The following CHST11 variants were observed in gnomAD, a reference collection of about 807,000 sequenced individuals.
The protein encoded by CHST11 is C4S-1.
In CHST11, 9 loss-of-function variants were observed where a neutral mutation model predicts 30.4. The observed-to-expected ratio is 0.30, with a 90% confidence interval of 0.18 to 0.52. CHST11 has a LOEUF of 0.52. Ranked by LOEUF, CHST11 falls within the 20% of genes least tolerant of loss-of-function variation. The probability of loss-of-function intolerance (pLI) is 0.97; values close to 1 mark genes in which losing one functional copy is unlikely to be tolerated. For synonymous variants in CHST11, 152 were observed against 187.8 expected, an observed-to-expected ratio of 0.81 and a Z score of 1.56; for missense variants, 348 against 460.6, an observed-to-expected ratio of 0.76 and a Z score of 2.24.
intron 2 of CHST11, among the ~76,000 whole-genome samples, chr12:104,711,864 C>A (rs961989848): frequency 6.6e-6 from 1 of 152,106 alleles, no homozygotes; most frequent in Non-Finnish European, 1.5e-5. Context: ...AAATAGGAGG[C>A]CACTGAGGCA....
chr12:104,697,003 A>G (rs2039953234), intron 2 of CHST11, among the ~76,000 whole-genome samples: 1 of 152,156 alleles, frequency 6.6e-6, no homozygotes, highest in Non-Finnish European at 1.5e-5. Context: ...ATTGCATTCT[A>G]TTTATGTATC....
chr12:104,508,912 C>G (rs531739686), intron 1 of CHST11, among the ~76,000 whole-genome samples: 2 of 151,946 alleles, frequency 1.3e-5, no homozygotes, highest in Admixed American at 6.6e-5. Flanking sequence ...CCACAACAAC[C>G]ACCACTGCCG....
chr12:104,688,440 C>G (rs901109126), intron 2 of CHST11, among the ~76,000 whole-genome samples: 1 of 152,084 alleles, frequency 6.6e-6, no homozygotes, highest in Admixed American at 6.6e-5. Flanking sequence ...AGATGTGGCC[C>G]CAGATAGCAA....
intron 1 of CHST11, among the ~76,000 whole-genome samples, chr12:104,532,700 A>G (rs2038196603): frequency 2.0e-5 from 3 of 152,216 alleles, no homozygotes; most frequent in South Asian, 4.1e-4. Flanking sequence ...CCACAGAACT[A>G]TACCCACCGT....
intron 1 of CHST11, among the ~76,000 whole-genome samples, chr12:104,513,759 G>A (rs2037993044): frequency 6.6e-6 from 1 of 152,186 alleles, no homozygotes; most frequent in Non-Finnish European, 1.5e-5. Context: ...ACTCCCTGCT[G>A]TTCTCTGAAT....
intron 1 of CHST11, among the ~76,000 whole-genome samples, chr12:104,589,937 A>T (rs1390833324): frequency 6.6e-6 from 1 of 152,266 alleles, no homozygotes; most frequent in East Asian, 1.9e-4. Context: ...TGAATCCGGG[A>T]GGAGGAGGCT....
intron 2 of CHST11, among the ~76,000 whole-genome samples, chr12:104,606,656 C>T (rs1468712194): frequency 6.6e-6 from 1 of 152,094 alleles, no homozygotes; most frequent in African/African-American, 2.4e-5. Context: ...AAACATGCTT[C>T]CTTGAGATTC....
intron 1 of CHST11, among the ~76,000 whole-genome samples, chr12:104,463,567 G>C (rs919368471): frequency 2.0e-5 from 3 of 152,110 alleles, no homozygotes; most frequent in African/African-American, 7.2e-5. Context: ...ATACATCTCT[G>C]CCTTCATGGA....
At chr12:104,660,741 A>G (rs970460666) in intron 2 of CHST11, among the ~76,000 whole-genome samples, 6 of 152,168 alleles carry the variant, frequency 3.9e-5, no homozygotes, top group African/African-American at 1.4e-4. Flanking sequence ...AGGGGTGCGT[A>G]TCTGCCATTC....
intron 1 of CHST11, among the ~76,000 whole-genome samples, chr12:104,581,256 G>T (rs890505223): frequency 6.6e-5 from 10 of 152,104 alleles, no homozygotes; most frequent in Non-Finnish European, 1.5e-4. Context: ...TTCTGCTGGG[G>T]GAACAACCTC....
At chr12:104,483,982 C>T (rs1008790404) in intron 1 of CHST11, among the ~76,000 whole-genome samples, 3 of 152,178 alleles carry the variant, frequency 2.0e-5, no homozygotes, top group Non-Finnish European at 4.4e-5. Flanking sequence ...CTTGACTCTA[C>T]AGTCTGTTTG....
intron 2 of CHST11, among the ~76,000 whole-genome samples, chr12:104,665,167 C>T (rs1010178068): frequency 6.6e-6 from 1 of 152,146 alleles, no homozygotes; most frequent in African/African-American, 2.4e-5. Flanking sequence ...GATTTGGGAT[C>T]GAAAGGCCTG....
At chr12:104,751,884 C>A (rs933057791) in intron 2 of CHST11, among the ~76,000 whole-genome samples, 1 of 152,176 alleles carries the variant, frequency 6.6e-6, no homozygotes, top group Non-Finnish European at 1.5e-5. Context: ...TTACAAGTAC[C>A]CTAATACACT....
chr12:104,565,859 G>T (rs1246315435), intron 1 of CHST11, among the ~76,000 whole-genome samples: 1 of 152,226 alleles, frequency 6.6e-6, no homozygotes, highest in Non-Finnish European at 1.5e-5. Context: ...GGAACACTGT[G>T]TACCACTTTC....
intron 1 of CHST11, among the ~76,000 whole-genome samples, chr12:104,459,496 C>A (rs1298952226): frequency 6.6e-6 from 1 of 152,248 alleles, no homozygotes; most frequent in African/African-American, 2.4e-5. Context: ...AGCAGGAATG[C>A]GCTTGAGCTT....
chr12:104,531,555 A>G (rs1249460897), intron 1 of CHST11, among the ~76,000 whole-genome samples: 2 of 151,534 alleles, frequency 1.3e-5, no homozygotes, highest in African/African-American at 4.8e-5. Context: ...GATTGAAGTC[A>G]TTGTTGATTT....
intron 2 of CHST11, among the ~76,000 whole-genome samples, chr12:104,704,661 G>A (rs547061461): frequency 6.6e-5 from 10 of 152,148 alleles, no homozygotes; most frequent in Admixed American, 2.0e-4. Context: ...CTGCTGTTTA[G>A]AGTAGTTCAA....
chr12:104,671,268 T>C (rs777262676), intron 2 of CHST11, among the ~76,000 whole-genome samples: 42 of 152,052 alleles, frequency 2.8e-4, no homozygotes, highest in Non-Finnish European at 5.4e-4. Flanking sequence ...ATCCTAAGCA[T>C]GGGGTGTGGG....
At chr12:104,487,046 G>A (rs949253938) in intron 1 of CHST11, among the ~76,000 whole-genome samples, 1 of 152,080 alleles carries the variant, frequency 6.6e-6, no homozygotes, top group African/African-American at 2.4e-5. Flanking sequence ...TCCTTTGGTC[G>A]ATACAGTAGA....
Sources: allele counts gnomAD v4.1 joint callset (sites outside exome capture counted in the v4.1 genomes callset), GRCh38; gene constraint gnomAD v4.1.1; transcripts MANE v1.5; gene names NCBI Gene and HGNC (gene_info 2026-07-23, HGNC 2026-07-21).